NNT: variants seen among roughly 807,000 people sequenced by gnomAD.
NNT encodes nicotinamide nucleotide transhydrogenase.
In NNT, 50 loss-of-function variants were observed where a neutral mutation model predicts 104.8. The ratio of observed to expected loss-of-function variants is 0.48; its 90% confidence interval spans 0.38 to 0.60. The LOEUF is 0.60. NNT is among the 20% of genes least tolerant of loss of function. The probability of loss-of-function intolerance (pLI) is 0.00; values close to 1 mark genes in which losing one functional copy is unlikely to be tolerated. For synonymous variants in NNT, 461 were observed against 490.4 expected, an observed-to-expected ratio of 0.94 and a Z score of 0.79; for missense variants, 1,131 against 1,330.7, an observed-to-expected ratio of 0.85 and a Z score of 2.33.
intron 14 of NNT, among the ~76,000 whole-genome samples, chr5:43,653,810 T>C (rs1391386344): frequency 6.6e-6 from 1 of 151,720 alleles, no homozygotes; most frequent in Non-Finnish European, 1.5e-5. Context: ...CAAAAATTAG[T>C]TGGGCATGGT....
intron 17 of NNT, chr5:43,667,088 G>A: frequency 6.3e-7 from 1 of 1,579,354 alleles, no homozygotes; most frequent in Non-Finnish European, 8.6e-7. Context: ...TTCTTGTTGT[G>A]CTTCTTGGCA....
rs554082788 is a variant in NNT, at chr5:43,612,097, C to T, written c.152-811C>T. On this transcript the variant is annotated intron_variant, in intron 2 of 21. Coordinates refer to ENST00000344920, the MANE Select transcript of NNT (RefSeq NM_182977.3). Reference sequence around the variant, plus strand: ...ATCTTCTCTCTTTAAATATCTACTACTGATGTTTCTATCACTGTTACTGCT... The same window carrying T: ...ATCTTCTCTCTTTAAATATCTACTATTGATGTTTCTATCACTGTTACTGCT... Among the ~76,000 whole-genome samples, 5 of 152,270 alleles carry T rather than the reference C, an allele frequency of 3.3e-5. No individual in the cohort carries two copies. In the South Asian group the frequency reaches 1.0e-3, roughly 32 times the overall value.
chr5:43,692,521 A>G (rs1212061800), intron 19 of NNT, among the ~76,000 whole-genome samples: 1 of 152,078 alleles, frequency 6.6e-6, no homozygotes, highest in Non-Finnish European at 1.5e-5. Flanking sequence ...ACAGGGTTTC[A>G]CCATGTTGGC....
rs145449573 is a variant in NNT, at chr5:43,640,295, G to A, written c.965-3897G>A. Among the ~76,000 whole-genome samples, 6 of 152,190 alleles carry A rather than the reference G, an allele frequency of 3.9e-5. No homozygotes were observed. In the East Asian group the frequency reaches 1.2e-3, roughly 29 times the overall value. ...GTACAAAATCCGGACACATCTTCCT[G>A]TTTGTATTCCATGTTTAGTTATGCC... On this transcript the variant is annotated intron_variant, in intron 7 of 21. Transcript: ENST00000344920.
At position 43,665,874 on chromosome 5, in the gene NNT, G is replaced by A. The variant is rs1223601366; in HGVS notation, c.2634+6524G>A. Among the ~76,000 whole-genome samples, 8 of 151,498 alleles carry A rather than the reference G, an allele frequency of 5.3e-5. No individual in the cohort carries two copies. In the East Asian group the frequency reaches 1.2e-3, roughly 22 times the overall value. On this transcript the variant is annotated intron_variant, in intron 17 of 21. Transcript: ENST00000344920. Reference sequence around the variant, plus strand: ...AGGGGCTGCCCCCCATCTCCTGGACGGGGCGGCTGCCGGGCGGAGATGCTC... The same window carrying A: ...AGGGGCTGCCCCCCATCTCCTGGACAGGGCGGCTGCCGGGCGGAGATGCTC...
chr5:43,617,628 T>C (rs1458638294), intron 4 of NNT, among the ~76,000 whole-genome samples: 2 of 152,236 alleles, frequency 1.3e-5, no homozygotes, highest in Non-Finnish European at 2.9e-5. Flanking sequence ...ACTTTTTTGC[T>C]GTCATGAAGA....
At position 43,670,086 on chromosome 5, in the gene NNT, T is replaced by G. The variant is rs191250959; in HGVS notation, c.2635-5425T>G. Among the ~76,000 whole-genome samples the G allele has an allele frequency of 4.2e-3, 637 of 152,334 alleles. 8 individuals carry two copies. The highest frequency in any genetic ancestry group is 9.0e-3 in the African/African-American group (374 of 41,574). On this transcript the variant is annotated intron_variant, in intron 17 of 21. Coordinates refer to ENST00000344920, the MANE Select transcript of NNT (RefSeq NM_182977.3). ...ATTTGCATAGAGGTGTTTATAGTATTCTCTGATGGTAGTTTGTATTTCTGT... is the reference window on the plus strand; with the variant it reads ...ATTTGCATAGAGGTGTTTATAGTATGCTCTGATGGTAGTTTGTATTTCTGT...
chr5:43,701,838 G>A (rs563260830), intron 20 of NNT, among the ~76,000 whole-genome samples: 4 of 152,088 alleles, frequency 2.6e-5, no homozygotes, highest in South Asian at 2.1e-4. Context: ...TAGTGATGTC[G>A]AACATTTCTT....
At position 43,650,459 on chromosome 5, in the gene NNT, T is replaced by A. The variant is rs1470704664; in HGVS notation, c.1607-18T>A. 6.3e-7 allele frequency: 1 copy of A among 1,584,926 alleles called. No homozygotes were observed. The highest frequency in any genetic ancestry group is 1.1e-5 in the South Asian group (1 of 90,422). ...GGTGTCACTATCACTATTAACCATG[T>A]TAATGCTTTCTTTCTAGGGCTGACT... On this transcript the variant is annotated intron_variant, in intron 11 of 21. Transcript: ENST00000344920.
At chr5:43,638,209 T>C (rs1751040658) in intron 7 of NNT, among the ~76,000 whole-genome samples, 1 of 152,144 alleles carries the variant, frequency 6.6e-6, no homozygotes, top group African/African-American at 2.4e-5. Context: ...CTCCCCAGCC[T>C]TGCAGAACTG....
rs112858000 is a variant in NNT, at chr5:43,627,097, T to C, written c.777-1103T>C. 4.5e-3 allele frequency among the ~76,000 whole-genome samples: 685 copies of C among 152,296 alleles called. 6 individuals carry two copies. The highest frequency in any genetic ancestry group is 0.015 in the African/African-American group (610 of 41,562). On this transcript the variant is annotated intron_variant, in intron 6 of 21. Coordinates refer to ENST00000344920, the MANE Select transcript of NNT (RefSeq NM_182977.3). ...ATTAGAGTGAGATGCTCCTCCGTGC[T>C]ATCAAGGACCAGTTTCTGTCACTCC...
At chr5:43,606,036 T>C (rs1157582911) in intron 1 of NNT, among the ~76,000 whole-genome samples, 1 of 152,220 alleles carries the variant, frequency 6.6e-6, no homozygotes, top group East Asian at 1.9e-4. Context: ...TTCTAGAGAC[T>C]AAAATGGCCT....
At chr5:43,629,113 G>A (rs1750533974) in intron 7 of NNT, among the ~76,000 whole-genome samples, 2 of 152,084 alleles carry the variant, frequency 1.3e-5, no homozygotes, top group African/African-American at 4.8e-5. Context: ...CACCTGAGCA[G>A]TATACACTGT....
intron 16 of NNT, among the ~76,000 whole-genome samples, chr5:43,657,255 A>C (rs1385832037): frequency 6.6e-6 from 1 of 152,236 alleles, no homozygotes; most frequent in Non-Finnish European, 1.5e-5. Flanking sequence ...ATAAGTATAA[A>C]ATGAAATGCA....
At chr5:43,647,758 C>T (rs1303622604) in intron 10 of NNT, among the ~76,000 whole-genome samples, 1 of 152,292 alleles carries the variant, frequency 6.6e-6, no homozygotes, top group African/African-American at 2.4e-5. Context: ...ATGCCTAACA[C>T]AAAAGACTGT....
In NNT at chr5:43,656,680, TGCCTGGAAG is replaced by T; in HGVS notation, c.2324_2332del (p.Pro775_Arg777del). 6.2e-7 allele frequency: 1 copy of T among 1,613,622 alleles called. No individual in the cohort carries two copies. The highest frequency in any genetic ancestry group is 1.1e-5 in the South Asian group (1 of 90,934). ...CTCCTGAAATCTGCCCCTCTCCTAC[TGCCTGGAAG>T]GCACTTACTCAATGCAGGCTTACTG... is the stretch of plus-strand genomic sequence containing the variant. On this transcript the variant is annotated inframe_deletion, in exon 16 of 22. Coordinates refer to ENST00000344920, the MANE Select transcript of NNT (RefSeq NM_182977.3).
At chr5:43,681,128 C>G (rs1022649739) in intron 19 of NNT, among the ~76,000 whole-genome samples, 1 of 151,416 alleles carries the variant, frequency 6.6e-6, no homozygotes, top group Admixed American at 6.6e-5. Context: ...GGCATGGTGG[C>G]GGGCACCTGT....
At chr5:43,666,809 G>C in intron 17 of NNT, 1 of 1,340,596 alleles carries the variant, frequency 7.5e-7, no homozygotes, top group Non-Finnish European at 1.0e-6. Flanking sequence ...TTGGGAGCCT[G>C]AGCTGGAACT....
At position 43,704,587 on chromosome 5, in the gene NNT, TA is replaced by T. The variant is rs34053391; in HGVS notation, c.*189del. The stretch of plus-strand genomic sequence containing the variant: ...TTCAAAAGCAGTAATCCCTCAATTT[TA>T]AAAAAGGATTGAAAATTCTAAATGT... On this transcript the variant is annotated 3_prime_UTR_variant, in exon 22 of 22. Transcript: ENST00000344920. 4.0e-6 allele frequency: 2 copies of T among 503,584 alleles called. No individual in the cohort carries two copies. Among genetic ancestry groups the T allele is most frequent in the African/African-American group, 4.0e-5 (2 of 49,476 alleles). 31.2% of individuals were successfully genotyped at this position (503,584 alleles called of 1,614,324 possible).
Sources: gnomAD v4.1 joint callset for allele counts (sites outside exome capture counted in the v4.1 genomes callset) on GRCh38, gnomAD v4.1.1 for gene constraint, MANE v1.5 for transcripts, NCBI Gene and HGNC (gene_info 2026-07-23, HGNC 2026-07-21) for gene names.